PTPRK: variants seen among roughly 807,000 people sequenced by gnomAD.
The protein encoded by PTPRK is receptor-type tyrosine-protein phosphatase kappa.
In PTPRK, 75 loss-of-function variants were observed where a neutral mutation model predicts 178.0. The ratio of observed to expected loss-of-function variants is 0.42; its 90% CI spans 0.35 to 0.51. The LOEUF (loss-of-function observed/expected upper bound fraction) is 0.51, where lower values mean the gene tolerates loss of function less well. PTPRK is among the 20% of genes least tolerant of loss of function. The pLI, the probability that PTPRK is intolerant of heterozygous loss-of-function variation, is 0.02. For synonymous variants in PTPRK, 637 were observed against 620.6 expected, an observed-to-expected ratio of 1.03 and a Z score of -0.39; for missense variants, 1,441 against 1,797.8, an observed-to-expected ratio of 0.80 and a Z score of 3.59.
At chr6:128,099,729 A>T (rs1562582183) in intron 7 of PTPRK, among the ~76,000 whole-genome samples, 2 of 152,118 alleles carry the variant, frequency 1.3e-5, no homozygotes, top group Non-Finnish European at 2.9e-5. Context: ...AGAGAGACAG[A>T]TAAGGACTGC....
At chr6:128,000,779 C>A (rs1026923062) in intron 15 of PTPRK, among the ~76,000 whole-genome samples, 1 of 152,042 alleles carries the variant, frequency 6.6e-6, no homozygotes, top group Non-Finnish European at 1.5e-5. Context: ...GTCAGAGAGG[C>A]AAAATGCAAT....
chr6:128,424,922 A>G (rs1245440307), intron 1 of PTPRK, among the ~76,000 whole-genome samples: 1 of 152,082 alleles, frequency 6.6e-6, no homozygotes, highest in Non-Finnish European at 1.5e-5. Context: ...ACTGCCAGCT[A>G]TATTCCTTTC....
At chr6:128,220,137 T>G (rs1583543853) in intron 5 of PTPRK, among the ~76,000 whole-genome samples, 1 of 152,128 alleles carries the variant, frequency 6.6e-6, no homozygotes, top group African/African-American at 2.4e-5. Context: ...ATTTATAACC[T>G]CTATATGTTC....
intron 1 of PTPRK, among the ~76,000 whole-genome samples, chr6:128,410,071 T>C (rs1842127409): frequency 6.6e-6 from 1 of 152,228 alleles, no homozygotes; most frequent in Non-Finnish European, 1.5e-5. Flanking sequence ...ACGATTTGGT[T>C]ATTACCATAG....
At chr6:128,268,299 T>C (rs551081881) in intron 3 of PTPRK, among the ~76,000 whole-genome samples, 1 of 152,006 alleles carries the variant, frequency 6.6e-6, no homozygotes, top group East Asian at 1.9e-4. Flanking sequence ...TTACCAGAGG[T>C]GCTTGTTAAA....
intron 13 of PTPRK, among the ~76,000 whole-genome samples, chr6:128,053,681 G>A (rs182462045): frequency 4.7e-4 from 72 of 152,156 alleles, no homozygotes; most frequent in African/African-American, 1.6e-3. Context: ...GCCACCCACC[G>A]TCCCCATGAA....
intron 7 of PTPRK, among the ~76,000 whole-genome samples, chr6:128,107,622 TAAAG>T (rs1789937989): frequency 6.6e-6 from 1 of 152,180 alleles, no homozygotes; most frequent in African/African-American, 2.4e-5. Flanking sequence ...AAAGTTAAAA[TAAAG>T]AAAAAGTGTT....
At chr6:128,089,255 C>A (rs1037551293) in intron 8 of PTPRK, among the ~76,000 whole-genome samples, 3 of 152,064 alleles carry the variant, frequency 2.0e-5, no homozygotes. Context: ...TGAACCACTA[C>A]ACCCGGCCCA....
At chr6:128,082,080 T>A (rs1021137825) in intron 10 of PTPRK, among the ~76,000 whole-genome samples, 1 of 152,022 alleles carries the variant, frequency 6.6e-6, no homozygotes, top group Non-Finnish European at 1.5e-5. Flanking sequence ...TCTTCTACCA[T>A]TTTTTTGATA....
In PTPRK at chr6:128,188,915, C is replaced by T. The variant is rs185991318; in HGVS notation, c.869-4190G>A. On this transcript the variant is annotated intron_variant, in intron 6 of 29. Coordinates refer to ENST00000368226, the MANE Select transcript of PTPRK (RefSeq NM_002844.4). ...GGATGCTTGTGATTGCAGTTAGGCC[C>T]CATATGTATAATCCAGCATCTTCTC... Among the ~76,000 whole-genome samples the T allele has an allele frequency of 2.0e-3, 300 of 152,228 alleles. 2 individuals are homozygous for T. The highest frequency in any genetic ancestry group is 7.0e-3 in the African/African-American group (289 of 41,550).
chr6:127,970,032 T>C lies in PTPRK; in HGVS notation c.*195A>G, dbSNP rs1773734785. The C allele has an allele frequency of 4.1e-6, 2 of 483,782 alleles. No individual in the cohort carries two copies. Among genetic ancestry groups the C allele is most frequent in the Non-Finnish European group, 7.3e-6 (2 of 274,994 alleles). The allele number at this position is 483,782 out of a possible 1,614,324, so 30.0% of individuals were successfully genotyped here. On this transcript the variant is annotated 3_prime_UTR_variant, in exon 30 of 30. Coordinates refer to ENST00000368226, the MANE Select transcript of PTPRK (RefSeq NM_002844.4). ...GGCATGAAATGTTGATGCTTTAATA[T>C]AGTAATAAAAACTAATTCAGTCCTT...
chr6:128,468,187 TG>T (rs1850133218), intron 1 of PTPRK, among the ~76,000 whole-genome samples: 1 of 152,190 alleles, frequency 6.6e-6, no homozygotes, highest in Admixed American at 6.5e-5. Flanking sequence ...AAATCTTAGT[TG>T]ATGATGGAGA....
chr6:128,135,331 G>C (rs1259311258), intron 7 of PTPRK, among the ~76,000 whole-genome samples: 1 of 152,072 alleles, frequency 6.6e-6, no homozygotes, highest in Non-Finnish European at 1.5e-5. Flanking sequence ...TGAAGGAGAG[G>C]GCTGGACCCA....
intron 3 of PTPRK, among the ~76,000 whole-genome samples, chr6:128,320,027 C>T (rs1393443057): frequency 6.6e-6 from 1 of 152,104 alleles, no homozygotes. Flanking sequence ...TTTTAATCTG[C>T]AACAATGAGA....
intron 13 of PTPRK, among the ~76,000 whole-genome samples, chr6:128,012,947 G>A (rs539552731): frequency 6.7e-6 from 1 of 149,002 alleles, no homozygotes; most frequent in East Asian, 2.0e-4. Context: ...ATAGATCTGA[G>A]AAACTGTTCC....
chr6:128,221,523 C>CAAA (rs578034379), intron 5 of PTPRK, among the ~76,000 whole-genome samples: 2 of 122,354 alleles, frequency 1.6e-5, no homozygotes, highest in East Asian at 2.3e-4. Context: ...GATTCTGTCT[C>CAAA]AAAAAAAAAA....
At chr6:128,417,307 C>T (rs1418626957) in intron 1 of PTPRK, among the ~76,000 whole-genome samples, 4 of 152,052 alleles carry the variant, frequency 2.6e-5, no homozygotes, top group Admixed American at 6.6e-5. Context: ...AAAGTCATGC[C>T]TAGGAAGACA....
chr6:128,255,750 G>A (rs1186608402), intron 3 of PTPRK, among the ~76,000 whole-genome samples: 1 of 152,212 alleles, frequency 6.6e-6, no homozygotes, highest in Non-Finnish European at 1.5e-5. Context: ...TGGAAACTCT[G>A]TGGGTGGGAC....
At chr6:128,067,948 G>A (rs1042955302) in intron 11 of PTPRK, among the ~76,000 whole-genome samples, 156 bp from the exon 12 acceptor site, 11 of 151,822 alleles carry the variant, frequency 7.2e-5, no homozygotes, top group South Asian at 4.2e-4. Flanking sequence ...CAGCTATTTC[G>A]CAATAAAATG....
Sources: gnomAD v4.1 joint callset for allele counts (sites outside exome capture counted in the v4.1 genomes callset) on GRCh38, gnomAD v4.1.1 for gene constraint, MANE v1.5 for transcripts, NCBI Gene and HGNC (gene_info 2026-07-23, HGNC 2026-07-21) for gene names.